Variants in SDK1 observed in about 807,000 individuals in gnomAD.
The protein encoded by SDK1 is sidekick cell adhesion molecule 1, also known as protein sidekick-1.
In SDK1, 157 loss-of-function variants were observed where a neutral mutation model predicts 245.5. That is an observed-to-expected ratio of 0.64 (90% CI 0.56 to 0.73). The LOEUF (loss-of-function observed/expected upper bound fraction) is 0.73. Among genes scored for constraint, SDK1 ranks in the 30% least tolerant of loss-of-function variants. SDK1 has a pLI of 0.00. For missense variants in SDK1, 3,583 were observed against 3,002.3 expected (o/e 1.19, Z -4.52); for synonymous variants, 1,647 against 1,278.5 (o/e 1.29, Z -6.15).
intron 32 of SDK1, among the ~76,000 whole-genome samples, chr7:4,172,580 A>C (rs1781916139): frequency 6.6e-6 from 1 of 152,150 alleles, no homozygotes; most frequent in East Asian, 1.9e-4. Flanking sequence ...GATTGCAAGG[A>C]TGTGTTATTT....
chr7:3,981,196 C>A lies in SDK1; in HGVS notation c.1995-5990C>A, dbSNP rs1024684729. 2.0e-4 allele frequency among the ~76,000 whole-genome samples: 31 copies of A among 152,140 alleles called. 1 individual carries two copies. Among genetic ancestry groups the A allele is most frequent in the African/African-American group, 7.5e-4 (31 of 41,414 alleles). The stretch of plus-strand genomic sequence containing the variant: ...CTATGATTGTATCTGTGATGGCACT[C>A]CCTGATCACTGATCTTGAATGTTAC... On this transcript the variant is annotated intron_variant, in intron 13 of 44. Transcript: ENST00000404826.
At chr7:3,980,108 C>T (rs1373136653) in intron 13 of SDK1, among the ~76,000 whole-genome samples, 1 of 152,124 alleles carries the variant, frequency 6.6e-6, no homozygotes, top group Non-Finnish European at 1.5e-5. Context: ...TGGGTTTGAC[C>T]AAGTCATCAT....
intron 1 of SDK1, among the ~76,000 whole-genome samples, chr7:3,495,503 C>G (rs377190711): frequency 1.3e-5 from 2 of 152,282 alleles, no homozygotes; most frequent in African/African-American, 4.8e-5. Flanking sequence ...AAGAGATCCT[C>G]CCGCCTCAGC....
In SDK1 at chr7:3,301,895, G is replaced by C. The variant is rs886511830; in HGVS notation, c.298+11G>C. On this transcript the variant is annotated intron_variant, in intron 1 of 44. Coordinates refer to ENST00000404826, the MANE Select transcript of SDK1 (RefSeq NM_152744.4). Reference sequence around the variant, plus strand: ...GGGCGCTGGCGCAAGGTAGGTGCGCGCGGGGTCGCGGGCCGGGGGCGTCGC... The same window carrying C: ...GGGCGCTGGCGCAAGGTAGGTGCGCCCGGGGTCGCGGGCCGGGGGCGTCGC... The C allele has an allele frequency of 3.5e-6, 4 of 1,133,760 alleles. No homozygotes were observed. The highest frequency in any genetic ancestry group is 9.8e-5 in the Admixed American group (2 of 20,344). The allele number at this position is 1,133,760 out of a possible 1,614,324, so 70.2% of individuals were successfully genotyped here. A position where few individuals can be genotyped will look rare whatever the true frequency, so the allele number is the denominator to read the frequency against.
At chr7:3,332,299 G>C (rs1780088495) in intron 1 of SDK1, among the ~76,000 whole-genome samples, 1 of 152,136 alleles carries the variant, frequency 6.6e-6, no homozygotes, top group South Asian at 2.1e-4. Context: ...GACTAAAGTT[G>C]TGCAAATTAA....
chr7:3,878,052 G>A (rs1428732741), intron 5 of SDK1, among the ~76,000 whole-genome samples: 3 of 152,188 alleles, frequency 2.0e-5, no homozygotes, highest in Non-Finnish European at 4.4e-5. Context: ...GTTCTAAGTT[G>A]TACATACTCC....
Position 4,267,455 on chromosome 7 carries a change from A to G in SDK1, c.*2071A>G, listed in dbSNP as rs1788537235. On this transcript the variant is annotated 3_prime_UTR_variant, in exon 45 of 45. Coordinates refer to ENST00000404826, the MANE Select transcript of SDK1 (RefSeq NM_152744.4). Reference sequence around the variant, plus strand: ...AGAATCGCAACCCACAGTTCCCCGGATGAGACTCACCACAGTGGACAGTGC... The same window carrying G: ...AGAATCGCAACCCACAGTTCCCCGGGTGAGACTCACCACAGTGGACAGTGC... 1.0e-6 allele frequency: 1 copy of G among 985,392 alleles called. No homozygotes were observed. The allele number at this position is 985,392 out of a possible 1,614,324, so 61.0% of individuals were successfully genotyped here.
intron 7 of SDK1, chr7:3,958,353 T>C (rs1781425498): frequency 3.9e-6 from 1 of 255,592 alleles, no homozygotes; most frequent in Admixed American, 5.2e-5. Context: ...AACGGGCGAG[T>C]GGAGTATCGA....
chr7:3,663,190 ACT>A (rs1783419534), intron 4 of SDK1, among the ~76,000 whole-genome samples: 1 of 152,138 alleles, frequency 6.6e-6, no homozygotes, highest in Non-Finnish European at 1.5e-5. Flanking sequence ...AAAGGCTCTG[ACT>A]CTTGTTTAAA....
intron 1 of SDK1, among the ~76,000 whole-genome samples, chr7:3,505,579 A>C (rs1782367528): frequency 6.6e-6 from 1 of 152,170 alleles, no homozygotes; most frequent in African/African-American, 2.4e-5. Flanking sequence ...ATCTCTTCAC[A>C]TAAAATATAG....
At chr7:3,828,793 AGGCAT>A (rs1779843295) in intron 5 of SDK1, among the ~76,000 whole-genome samples, 2 of 151,908 alleles carry the variant, frequency 1.3e-5, no homozygotes, top group Admixed American at 6.6e-5. Context: ...CTGGGACTAC[AGGCAT>A]GAACCACCAT....
At chr7:3,312,686 C>T (rs1779579071) in intron 1 of SDK1, among the ~76,000 whole-genome samples, 1 of 151,860 alleles carries the variant, frequency 6.6e-6, no homozygotes, top group African/African-American at 2.4e-5. Context: ...GAGGAAATTT[C>T]TTCGAATACA....
intron 12 of SDK1, among the ~76,000 whole-genome samples, chr7:3,973,907 T>C (rs1782681214): frequency 6.6e-6 from 1 of 151,982 alleles, no homozygotes; most frequent in African/African-American, 2.4e-5. Flanking sequence ...TTAGGCCAAG[T>C]GCGGTGACTC....
chr7:3,531,192 C>T (rs1207268627), intron 1 of SDK1, among the ~76,000 whole-genome samples: 2 of 152,214 alleles, frequency 1.3e-5, no homozygotes, highest in South Asian at 2.1e-4. Context: ...AGTTGATCTT[C>T]AGTGTGGAAC....
intron 1 of SDK1, among the ~76,000 whole-genome samples, chr7:3,534,773 C>G (rs946340351): frequency 2.6e-5 from 4 of 152,196 alleles, no homozygotes; most frequent in Non-Finnish European, 4.4e-5. Context: ...AGCCCCAAAT[C>G]ATTTTCCTTT....
At chr7:3,635,871 A>G (rs1342911801) in intron 2 of SDK1, among the ~76,000 whole-genome samples, 1 of 151,948 alleles carries the variant, frequency 6.6e-6, no homozygotes, top group Non-Finnish European at 1.5e-5. Context: ...ACACTTGGCT[A>G]ATTTTTGTAT....
chr7:3,923,169 G>C (rs532683992), intron 5 of SDK1, among the ~76,000 whole-genome samples: 16 of 152,208 alleles, frequency 1.1e-4, no homozygotes, highest in Admixed American at 7.8e-4. Context: ...ATTTGATTCA[G>C]ATTCTCTGGT....
chr7:3,370,555 G>C (rs1457774848), intron 1 of SDK1, among the ~76,000 whole-genome samples: 1 of 152,204 alleles, frequency 6.6e-6, no homozygotes, highest in Non-Finnish European at 1.5e-5. Context: ...GGAGTAACGT[G>C]GTGGTGGACT....
chr7:3,560,610 A>G (rs1314455809), intron 1 of SDK1, among the ~76,000 whole-genome samples: 1 of 152,136 alleles, frequency 6.6e-6, no homozygotes, highest in Non-Finnish European at 1.5e-5. Flanking sequence ...TGCACCCCAC[A>G]GCCCAGTCTC....
Sources: allele counts gnomAD v4.1 joint callset (sites outside exome capture counted in the v4.1 genomes callset), GRCh38; gene constraint gnomAD v4.1.1; transcripts MANE v1.5; gene names NCBI Gene and HGNC (gene_info 2026-07-23, HGNC 2026-07-21).